Variants in FHIT observed in about 807,000 individuals in gnomAD.
FHIT encodes the protein bis(5'-adenosyl)-triphosphatase.
Under a neutral mutation model 17.9 loss-of-function variants are expected in FHIT, and 19 were observed. The observed-to-expected ratio is 1.06, with a 90% CI of 0.74 to 1.56. FHIT has a LOEUF of 1.56. FHIT is among the 40% of genes most tolerant of loss of function. The pLI, the probability that FHIT is intolerant of heterozygous loss-of-function variation, is 0.00. For missense variants in FHIT, 248 were observed against 189.2 expected (o/e 1.31, Z -1.82); for synonymous variants, 81 against 69.7 (o/e 1.16, Z -0.81).
At chr3:60,275,133 C>A (rs1006112745) in intron 5 of FHIT, among the ~76,000 whole-genome samples, 1 of 151,044 alleles carries the variant, frequency 6.6e-6, no homozygotes, top group Non-Finnish European at 1.5e-5. Flanking sequence ...TTTTTTGTCC[C>A]TTTGTGAAAA....
chr3:60,569,755 A>ATATTTTTTT lies in FHIT; in HGVS notation c.-17-32777_-17-32776insAAAAAAATA. On this transcript the variant is annotated intron_variant, in intron 4 of 9. Coordinates refer to ENST00000492590, the MANE Select transcript of FHIT (RefSeq NM_002012.4). ...TATATATATATATATATATATATATATTTTTTTTTTTTTTAGACAGAGTTT... is the reference window on the plus strand; with the variant it reads ...TATATATATATATATATATATATATATATTTTTTTTTTTTTTTTTTTTTAGACAGAGTTT... Among the ~76,000 whole-genome samples the ATATTTTTTT allele has an allele frequency of 1.4e-3, 109 of 77,330 alleles. 5 individuals carry two copies. Among genetic ancestry groups the ATATTTTTTT allele is most frequent in the Admixed American group, 2.2e-3 (11 of 5,002 alleles). 50.7% of individuals were successfully genotyped at this position (77,330 alleles called of 152,430 possible). A position where few individuals can be genotyped will look rare whatever the true frequency, so the allele number is the denominator to read the frequency against.
chr3:60,080,635 G>A (rs568902973), intron 5 of FHIT, among the ~76,000 whole-genome samples: 1 of 152,196 alleles, frequency 6.6e-6, no homozygotes, highest in East Asian at 1.9e-4. Context: ...GAGACTGCAC[G>A]AAATTGCCAG....
chr3:60,774,948 T>G (rs1700171131), intron 4 of FHIT, among the ~76,000 whole-genome samples: 1 of 152,212 alleles, frequency 6.6e-6, no homozygotes, highest in African/African-American at 2.4e-5. Flanking sequence ...TTAGATCGAG[T>G]TGACCACAGG....
chr3:60,255,977 A>G (rs1194147486), intron 5 of FHIT, among the ~76,000 whole-genome samples: 1 of 152,162 alleles, frequency 6.6e-6, no homozygotes, highest in Non-Finnish European at 1.5e-5. Flanking sequence ...AAATTAGTAA[A>G]CTGGGTCGGC....
intron 8 of FHIT, among the ~76,000 whole-genome samples, chr3:59,835,935 G>A (rs1221134532): frequency 6.6e-6 from 1 of 152,098 alleles, no homozygotes; most frequent in Non-Finnish European, 1.5e-5. Context: ...TAAATCAAGG[G>A]GACACAAATA....
intron 8 of FHIT, among the ~76,000 whole-genome samples, chr3:59,758,181 G>A (rs1033319919): frequency 2.6e-5 from 4 of 152,158 alleles, no homozygotes; most frequent in Admixed American, 6.5e-5. Flanking sequence ...ATGGTAATGA[G>A]ATTTTGAAGA....
chr3:61,149,763 T>C (rs1261884178), intron 2 of FHIT, among the ~76,000 whole-genome samples: 3 of 151,622 alleles, frequency 2.0e-5, no homozygotes, highest in Non-Finnish European at 4.4e-5. Context: ...ACCTGTAGCC[T>C]CAGCTACTCG....
chr3:60,129,545 C>T (rs1376302338), intron 5 of FHIT, among the ~76,000 whole-genome samples: 2 of 152,096 alleles, frequency 1.3e-5, no homozygotes, highest in African/African-American at 4.8e-5. Context: ...ATCCACATTT[C>T]GAGGCTCTTA....
rs962475201 is a variant in FHIT, at chr3:60,968,425, T to TG, written c.-111+73621_-111+73622insC. Among the ~76,000 whole-genome samples the TG allele has an allele frequency of 1.4e-3, 213 of 151,976 alleles. 1 individual carries two copies. The highest frequency in any genetic ancestry group is 2.4e-3 in the Admixed American group (37 of 15,268). On this transcript the variant is annotated intron_variant, in intron 3 of 9. Transcript: ENST00000492590. ...TATGAAGTCTGCTGTAGGACTTTTT[T>TG]TTTTTTTTTCGAGATGGAGTCTCAC...
rs1703742253 is a variant in FHIT at position 60,217,357 on chromosome 3, T to A, written c.104-203205A>T. Reference sequence around the variant, plus strand: ...ACATGAGTCACTTTCCTTGAGCTCATCGCCCATATCCCATCAATCACCAGT... The same window carrying A: ...ACATGAGTCACTTTCCTTGAGCTCAACGCCCATATCCCATCAATCACCAGT... On this transcript the variant is annotated intron_variant, in intron 5 of 9. Coordinates refer to ENST00000492590, the MANE Select transcript of FHIT (RefSeq NM_002012.4). Among the ~76,000 whole-genome samples the A allele has an allele frequency of 3.9e-5, 6 of 152,298 alleles. No homozygotes were observed. In the South Asian group the frequency reaches 1.2e-3, roughly 32 times the overall value.
At chr3:60,313,529 GTCACTTTATACAAATA>G (rs1709038420) in intron 5 of FHIT, among the ~76,000 whole-genome samples, 1 of 152,110 alleles carries the variant, frequency 6.6e-6, no homozygotes, top group African/African-American at 2.4e-5. Context: ...TTCAAACCCT[GTCACTTTATACAAATA>G]GGTTGTCACG....
intron 4 of FHIT, among the ~76,000 whole-genome samples, chr3:60,783,003 G>A (rs1231660142): frequency 6.6e-6 from 1 of 151,936 alleles, no homozygotes; most frequent in East Asian, 1.9e-4. Flanking sequence ...TTGTTGTTTT[G>A]ACAAGGTCTC....
intron 5 of FHIT, among the ~76,000 whole-genome samples, chr3:60,350,316 T>C (rs1051525490): frequency 1.3e-5 from 2 of 152,138 alleles, no homozygotes; most frequent in African/African-American, 4.8e-5. Flanking sequence ...GGCACTGAAC[T>C]GGCAAGCCCA....
chr3:59,856,871 ATT>A (rs61261831), intron 8 of FHIT, among the ~76,000 whole-genome samples: 350 of 148,226 alleles, frequency 2.4e-3, no homozygotes, highest in African/African-American at 5.2e-3. Context: ...CCGGCTGAGT[ATT>A]TTTTTTTTTT....
chr3:59,965,652 T>C (rs922268175), intron 7 of FHIT, among the ~76,000 whole-genome samples: 3 of 152,194 alleles, frequency 2.0e-5, no homozygotes, highest in African/African-American at 7.2e-5. Context: ...TTAGGTTTAT[T>C]AGATTTAGCC....
chr3:60,035,703 T>TG (rs1701187988), intron 5 of FHIT, among the ~76,000 whole-genome samples: 1 of 152,214 alleles, frequency 6.6e-6, no homozygotes, highest in Non-Finnish European at 1.5e-5. Flanking sequence ...CTTGCTAGGA[T>TG]GGGTCCCAAC....
intron 4 of FHIT, among the ~76,000 whole-genome samples, chr3:60,661,451 A>C (rs1630653): frequency 6.6e-6 from 1 of 152,112 alleles, no homozygotes; most frequent in Non-Finnish European, 1.5e-5. Flanking sequence ...TCCACTCATT[A>C]ACTGTTGGGC....
intron 8 of FHIT, among the ~76,000 whole-genome samples, chr3:59,854,068 G>C (rs1702051926): frequency 6.6e-6 from 1 of 152,116 alleles, no homozygotes; most frequent in South Asian, 2.1e-4. Context: ...CAAATCATTT[G>C]AACCATTGGG....
intron 5 of FHIT, among the ~76,000 whole-genome samples, chr3:60,144,415 T>C (rs1700155196): frequency 6.6e-6 from 1 of 152,180 alleles, no homozygotes; most frequent in African/African-American, 2.4e-5. Context: ...ACTTTGCCTT[T>C]TGCTTTTACA....
Sources: allele counts gnomAD v4.1 joint callset (sites outside exome capture counted in the v4.1 genomes callset), GRCh38; gene constraint gnomAD v4.1.1; transcripts MANE v1.5; gene names NCBI Gene and HGNC (gene_info 2026-07-23, HGNC 2026-07-21).